The following GNA14 variants were observed in gnomAD, a reference collection of about 807,000 sequenced individuals.
The protein encoded by GNA14 is G protein subunit alpha 14.
GNA14 carries 50 observed loss-of-function variants against 42.0 expected under a neutral mutation model. The observed-to-expected ratio is 1.19, with a 90% CI of 0.95 to 1.51. The LOEUF (loss-of-function observed/expected upper bound fraction) is 1.51. GNA14 is among the 40% of genes most tolerant of loss of function. The pLI is 0.00. For synonymous variants in GNA14, 173 were observed against 163.1 expected, an observed-to-expected ratio of 1.06 and a Z score of -0.46; for missense variants, 473 against 446.2, an observed-to-expected ratio of 1.06 and a Z score of -0.54.
chr9:77,472,056 T>C (rs1360529409), intron 2 of GNA14, among the ~76,000 whole-genome samples: 1 of 152,182 alleles, frequency 6.6e-6, no homozygotes. Flanking sequence ...TTTCTGAAAT[T>C]TGACAAAGTG....
chr9:77,482,102 T>C (rs1396219302), intron 2 of GNA14, among the ~76,000 whole-genome samples: 1 of 152,124 alleles, frequency 6.6e-6, no homozygotes, highest in Admixed American at 6.6e-5. Flanking sequence ...ATGATGTTAG[T>C]TGGTTATTTT....
At chr9:77,564,115 G>C (rs781469615) in intron 1 of GNA14, among the ~76,000 whole-genome samples, 1 of 152,008 alleles carries the variant, frequency 6.6e-6, no homozygotes, top group East Asian at 1.9e-4. Flanking sequence ...CCTTCCACCG[G>C]ATCCTTATCA....
intron 1 of GNA14, among the ~76,000 whole-genome samples, chr9:77,611,429 G>C (rs1184601496): frequency 3.3e-5 from 5 of 152,312 alleles, no homozygotes; most frequent in Admixed American, 6.5e-5. Flanking sequence ...TGGGCAGTAA[G>C]CATGTCTGTC....
At chr9:77,615,877 T>C (rs1332693825) in intron 1 of GNA14, among the ~76,000 whole-genome samples, 2 of 150,074 alleles carry the variant, frequency 1.3e-5, no homozygotes, top group East Asian at 3.9e-4. Context: ...GTTTTTTTTT[T>C]GGAGAAATCC....
intron 1 of GNA14, among the ~76,000 whole-genome samples, chr9:77,578,207 C>T (rs1308770069): frequency 6.6e-6 from 1 of 152,158 alleles, no homozygotes; most frequent in Non-Finnish European, 1.5e-5. Flanking sequence ...ACCTGGTATG[C>T]GGAGGTTGTA....
At chr9:77,579,207 A>G (rs1441909681) in intron 1 of GNA14, among the ~76,000 whole-genome samples, 1 of 152,116 alleles carries the variant, frequency 6.6e-6, no homozygotes, top group Middle Eastern at 3.2e-3. Flanking sequence ...AGGGGCCTTC[A>G]CTCTAAGGCT....
chr9:77,601,274 C>T (rs574133486), intron 1 of GNA14, among the ~76,000 whole-genome samples: 1 of 152,146 alleles, frequency 6.6e-6, no homozygotes, highest in Admixed American at 6.5e-5. Flanking sequence ...TTTTCCTGGT[C>T]GTGACACAAA....
At chr9:77,435,503 G>A (rs906774250) in intron 2 of GNA14, among the ~76,000 whole-genome samples, 6 of 151,960 alleles carry the variant, frequency 3.9e-5, no homozygotes, top group South Asian at 2.1e-4. Context: ...TTCCCACTGG[G>A]AGCCTCCCTC....
chr9:77,468,260 A>G (rs1836271224), intron 2 of GNA14, among the ~76,000 whole-genome samples: 1 of 152,194 alleles, frequency 6.6e-6, no homozygotes, highest in African/African-American at 2.4e-5. Context: ...ATTTTCTTGA[A>G]TAAATGTTTT....
chr9:77,530,404 G>C (rs929629143), intron 1 of GNA14, among the ~76,000 whole-genome samples: 1 of 152,100 alleles, frequency 6.6e-6, no homozygotes, highest in Non-Finnish European at 1.5e-5. Context: ...CCCAGAAGCC[G>C]AGCAGATGTC....
chr9:77,483,112 TGGA>T (rs1263844246), intron 2 of GNA14, among the ~76,000 whole-genome samples: 1 of 152,202 alleles, frequency 6.6e-6, no homozygotes, highest in Non-Finnish European at 1.5e-5. Context: ...TGCGTTCCTT[TGGA>T]GGAGGAGAGG....
intron 2 of GNA14, among the ~76,000 whole-genome samples, chr9:77,509,986 C>T (rs1305632810): frequency 2.0e-5 from 3 of 152,130 alleles, no homozygotes; most frequent in Non-Finnish European, 2.9e-5. Flanking sequence ...ATTCACTTTT[C>T]GTATTTACAA....
At chr9:77,436,450 GT>G (rs1196791704) in intron 2 of GNA14, among the ~76,000 whole-genome samples, 2 of 152,130 alleles carry the variant, frequency 1.3e-5, no homozygotes, top group Non-Finnish European at 2.9e-5. Context: ...AGTATTTCTT[GT>G]TTGCAAAAAC....
At chr9:77,541,568 G>A (rs1351520311) in intron 1 of GNA14, among the ~76,000 whole-genome samples, 2 of 152,100 alleles carry the variant, frequency 1.3e-5, no homozygotes, top group African/African-American at 4.8e-5. Flanking sequence ...CCTGTATCTG[G>A]ATGTCTAAGT....
chr9:77,485,337 A>G (rs965012895), intron 2 of GNA14, among the ~76,000 whole-genome samples: 1 of 152,196 alleles, frequency 6.6e-6, no homozygotes, highest in Non-Finnish European at 1.5e-5. Context: ...GATTGCAGCA[A>G]TTCAGTTACA....
At chr9:77,428,821 G>T (rs1835496630) in intron 5 of GNA14, 86 bp downstream of exon 5, 1 of 1,336,540 alleles carries the variant, frequency 7.5e-7, no homozygotes, top group African/African-American at 1.4e-5. Context: ...AATGACGAGG[G>T]TCTATTTCCT....
chr9:77,569,176 G>A (rs1823021246), intron 1 of GNA14, among the ~76,000 whole-genome samples: 1 of 151,192 alleles, frequency 6.6e-6, no homozygotes, highest in Admixed American at 6.6e-5. Flanking sequence ...AAATGGGGTT[G>A]GGAAAAAAAG....
At chr9:77,540,323 T>C (rs1329734867) in intron 1 of GNA14, among the ~76,000 whole-genome samples, 1 of 152,194 alleles carries the variant, frequency 6.6e-6, no homozygotes, top group African/African-American at 2.4e-5. Context: ...TATTCCATTG[T>C]GGTCTGAGAA....
chr9:77,432,729 GC>G (rs1267496144), intron 3 of GNA14, among the ~76,000 whole-genome samples: 3 of 152,248 alleles, frequency 2.0e-5, no homozygotes, highest in Admixed American at 2.0e-4. Context: ...CAGTGGCCTT[GC>G]CCCCATGGTT....
Sources: allele counts gnomAD v4.1 joint callset (sites outside exome capture counted in the v4.1 genomes callset), GRCh38; gene constraint gnomAD v4.1.1; transcripts MANE v1.5; gene names NCBI Gene and HGNC (gene_info 2026-07-23, HGNC 2026-07-21).